OR2L13: variants seen among roughly 807,000 people sequenced by gnomAD.
The protein encoded by OR2L13 is olfactory receptor 2L13.
Under a neutral mutation model 15.3 loss-of-function variants are expected in OR2L13, and 14 were observed. The ratio of observed to expected loss-of-function variants is 0.91; its 90% CI spans 0.60 to 1.43. The LOEUF (loss-of-function observed/expected upper bound fraction) is 1.43, where lower values mean the gene tolerates loss of function less well. Ranked by LOEUF, OR2L13 falls within the 40% of genes most tolerant of loss-of-function variation. OR2L13 has a pLI of 0.00. For synonymous variants in OR2L13, 152 were observed against 142.9 expected, an observed-to-expected ratio of 1.06 and a Z score of -0.45; for missense variants, 367 against 387.9, an observed-to-expected ratio of 0.95 and a Z score of 0.45.
chr1:248,025,549 C>T, the OR2L13 span, among the ~76,000 whole-genome samples: 1 of 149,202 alleles, frequency 6.7e-6, no homozygotes, highest in Non-Finnish European at 1.5e-5. Flanking sequence ...GGCGATTCCT[C>T]AGGGATCTAG....
chr1:248,022,744 C>A, the OR2L13 span: 7 of 1,614,036 alleles, frequency 4.3e-6, no homozygotes, highest in Non-Finnish European at 5.1e-6. Context: ...TCCCTGCGAT[C>A]TCTGACAGAG....
the OR2L13 span, chr1:248,062,894 A>G: frequency 6.6e-6 from 1 of 152,184 alleles, no homozygotes; most frequent in Admixed American, 6.5e-5. Context: ...AAAATAAAAG[A>G]ACCAGTTCAC....
the OR2L13 span, among the ~76,000 whole-genome samples, chr1:248,087,016 C>G: frequency 6.6e-6 from 1 of 151,984 alleles, no homozygotes; most frequent in Non-Finnish European, 1.5e-5. Flanking sequence ...ATTATCGTCC[C>G]CTTCCCCACC....
At chr1:248,060,678 C>T in the OR2L13 span, 8 of 1,607,126 alleles carry the variant, frequency 5.0e-6, no homozygotes, top group African/African-American at 2.7e-5. Flanking sequence ...CACACGAATG[C>T]CCCATGGAAA....
the OR2L13 span, among the ~76,000 whole-genome samples, chr1:248,016,700 G>A: frequency 1.3e-5 from 2 of 151,528 alleles, no homozygotes; most frequent in Non-Finnish European, 1.5e-5. Flanking sequence ...TTTTTTAAAC[G>A]TGTATATAAA....
the OR2L13 span, among the ~76,000 whole-genome samples, chr1:248,089,129 T>C: frequency 0.081 from 12,302 of 152,036 alleles, 630 homozygotes; most frequent in African/African-American, 0.14. Flanking sequence ...ATCTCACAAC[T>C]ACTCTGCTTC....
chr1:247,959,267 G>T, the OR2L13 span, among the ~76,000 whole-genome samples: 1 of 152,002 alleles, frequency 6.6e-6, no homozygotes, highest in Admixed American at 6.6e-5. Context: ...GTTGAATATT[G>T]GCCCCCACTC....
the OR2L13 span, among the ~76,000 whole-genome samples, chr1:247,987,737 T>C: frequency 6.6e-6 from 1 of 152,180 alleles, no homozygotes; most frequent in Non-Finnish European, 1.5e-5. Flanking sequence ...AGCCCTTGAC[T>C]CATGACACAG....
chr1:248,062,665 GTAAC>G, the OR2L13 span: 1 of 152,016 alleles, frequency 6.6e-6, no homozygotes, highest in Non-Finnish European at 1.5e-5. Context: ...GCACAATAGA[GTAAC>G]TATAGTAAAC....
the OR2L13 span, among the ~76,000 whole-genome samples, chr1:248,068,396 G>A: frequency 5.3e-5 from 8 of 151,520 alleles, no homozygotes; most frequent in African/African-American, 7.2e-5. Context: ...AGGGTCTGGA[G>A]TGGACCTCTA....
At chr1:248,054,156 A>T in the OR2L13 span, among the ~76,000 whole-genome samples, 1 of 152,160 alleles carries the variant, frequency 6.6e-6, no homozygotes. Flanking sequence ...GAAGGAATCC[A>T]GTTTCTATTT....
the OR2L13 span, chr1:248,045,948 T>C: frequency 1.3e-5 from 2 of 152,162 alleles, no homozygotes; most frequent in African/African-American, 4.8e-5. Context: ...TATGTCAAAG[T>C]ACAATTTATC....
At chr1:248,050,104 A>G in the OR2L13 span, among the ~76,000 whole-genome samples, 4,787 of 152,210 alleles carry the variant, frequency 0.031, 225 homozygotes, top group African/African-American at 0.11. Context: ...AGTCTGTGAA[A>G]GTTCACGCCT....
At chr1:248,022,805 C>T in the OR2L13 span, 17 of 1,613,890 alleles carry the variant, frequency 1.1e-5, no homozygotes, top group African/African-American at 9.3e-5. Flanking sequence ...TGCTCAACCC[C>T]ATCATCTACA....
the OR2L13 span, among the ~76,000 whole-genome samples, chr1:247,973,744 G>A: frequency 3.9e-3 from 591 of 152,294 alleles, 6 homozygotes; most frequent in African/African-American, 0.013. Context: ...TCTCATGCCA[G>A]TTAGAATGGT....
chr1:247,938,144 TC>T, the OR2L13 span, among the ~76,000 whole-genome samples: 2 of 152,178 alleles, frequency 1.3e-5, no homozygotes, highest in Non-Finnish European at 2.9e-5. Context: ...TAACATTTTT[TC>T]CCTGACAATT....
At chr1:247,991,157 TG>T in the OR2L13 span, 1 of 1,606,184 alleles carries the variant, frequency 6.2e-7, no homozygotes, top group Non-Finnish European at 8.5e-7. Context: ...AAGGAGGTGA[TG>T]GGGGCCCTGA....
the OR2L13 span, among the ~76,000 whole-genome samples, chr1:247,969,888 T>G: frequency 6.6e-6 from 1 of 152,150 alleles, no homozygotes; most frequent in Non-Finnish European, 1.5e-5. Context: ...CTGATGCAGA[T>G]TATTGCTAAG....
At chr1:248,073,399 T>C in the OR2L13 span, among the ~76,000 whole-genome samples, 1 of 151,770 alleles carries the variant, frequency 6.6e-6, no homozygotes, top group Non-Finnish European at 1.5e-5. Flanking sequence ...TACCACATGT[T>C]CTCACTCAAA....
Sources: allele counts gnomAD v4.1 joint callset (sites outside exome capture counted in the v4.1 genomes callset), GRCh38; gene constraint gnomAD v4.1.1; transcripts MANE v1.5; gene names NCBI Gene and HGNC (gene_info 2026-07-23, HGNC 2026-07-21).